Variants in DMD observed in about 807,000 individuals in gnomAD.
DMD encodes the protein dystrophin.
A neutral mutation model predicts 330.1 loss-of-function variants in DMD; 63 were observed. The ratio of observed to expected loss-of-function variants is 0.19; its 90% CI spans 0.16 to 0.24. DMD has a LOEUF of 0.24. DMD is among the 10% of genes least tolerant of loss of function. The probability of loss-of-function intolerance (pLI) is 1.00; values close to 1 mark genes in which losing one functional copy is unlikely to be tolerated. For missense variants in DMD, 3,344 were observed against 2,684.1 expected (o/e 1.25, Z -5.43); for synonymous variants, 1,223 against 959.8 (o/e 1.27, Z -5.07).
At chrX:32,212,317 A>C (rs2147825839) in intron 44 of DMD, among the ~76,000 whole-genome samples, 1 of 111,827 alleles carries the variant, frequency 8.9e-6, no homozygotes, top group Admixed American at 9.5e-5. Context: ...GTGGATGTTT[A>C]GAGACGATAA....
At chrX:32,730,743 T>C (rs778071237) in intron 7 of DMD, among the ~76,000 whole-genome samples, 1 of 112,049 alleles carries the variant, frequency 8.9e-6, no homozygotes, top group Non-Finnish European at 1.9e-5. Context: ...AATTAGTATT[T>C]TATTAAGAGT....
At chrX:32,441,733 A>G (rs971726028) in intron 27 of DMD, among the ~76,000 whole-genome samples, 4 of 111,671 alleles carry the variant, frequency 3.6e-5, no homozygotes, top group African/African-American at 9.7e-5. Context: ...GAGTTTAACT[A>G]TAGCTCTCTT....
At chrX:32,294,093 G>A (rs1360137172) in intron 42 of DMD, among the ~76,000 whole-genome samples, 2 of 111,445 alleles carry the variant, frequency 1.8e-5, no homozygotes, top group African/African-American at 6.5e-5. Flanking sequence ...GCCTGACCTG[G>A]GCAGCCTGAT....
chrX:32,491,024 G>A (rs1467948879), intron 20 of DMD, among the ~76,000 whole-genome samples: 1 of 112,185 alleles, frequency 8.9e-6, no homozygotes, highest in Non-Finnish European at 1.9e-5. Context: ...CTCCTAAACT[G>A]CCTCATGCTT....
intron 44 of DMD, among the ~76,000 whole-genome samples, chrX:32,064,086 C>A (rs1012794123): frequency 9.0e-6 from 1 of 110,999 alleles, no homozygotes; most frequent in African/African-American, 3.3e-5. Flanking sequence ...AATGAATTAT[C>A]TAATATTTCA....
chrX:32,740,938 T>A (rs919080842), intron 7 of DMD, among the ~76,000 whole-genome samples: 28 of 111,594 alleles, frequency 2.5e-4, no homozygotes, highest in African/African-American at 8.8e-4. Context: ...ACTCTAAAAC[T>A]TAAGTTCTTT....
chrX:31,291,271 C>T (rs1252509794), intron 62 of DMD, among the ~76,000 whole-genome samples: 4 of 110,425 alleles, frequency 3.6e-5, no homozygotes, highest in Non-Finnish European at 7.6e-5. Context: ...AATTACTCAA[C>T]ATTTAAATAT....
At chrX:31,134,974 T>C (rs1306456835) in intron 76 of DMD, among the ~76,000 whole-genome samples, 4 of 111,546 alleles carry the variant, frequency 3.6e-5, no homozygotes, top group Non-Finnish European at 7.5e-5. Flanking sequence ...GATTGTTTGC[T>C]GCCAGGAATT....
chrX:32,613,687 C>A (rs2057347511), intron 12 of DMD, among the ~76,000 whole-genome samples: 1 of 110,368 alleles, frequency 9.1e-6, no homozygotes, highest in African/African-American at 3.3e-5. Context: ...TGAAGTCTGT[C>A]TTCCAGGAAA....
At chrX:31,771,460 T>C (rs909890689) in intron 51 of DMD, among the ~76,000 whole-genome samples, 1 of 109,422 alleles carries the variant, frequency 9.1e-6, no homozygotes, top group Non-Finnish European at 1.9e-5. Context: ...AATTTATAAA[T>C]CCTGTATTTT....
intron 59 of DMD, among the ~76,000 whole-genome samples, chrX:31,454,234 G>T (rs1245888662): frequency 2.7e-5 from 3 of 111,123 alleles, no homozygotes; most frequent in Admixed American, 1.9e-4. Flanking sequence ...CGCCTCGTGG[G>T]TTCAAGCGAT....
intron 44 of DMD, among the ~76,000 whole-genome samples, chrX:32,138,704 T>C (rs1373000649): frequency 8.9e-6 from 1 of 111,816 alleles, no homozygotes; most frequent in Admixed American, 9.5e-5. Flanking sequence ...ATCTTGGCCA[T>C]GAGGACTCAA....
chrX:33,280,366 G>A (rs1239139594), intron 1 of DMD, among the ~76,000 whole-genome samples: 3 of 111,950 alleles, frequency 2.7e-5, no homozygotes, highest in African/African-American at 6.5e-5. Flanking sequence ...TCCTTTTATG[G>A]ATGGCGACTT....
intron 59 of DMD, among the ~76,000 whole-genome samples, chrX:31,477,643 GGCAACA>G (rs2067886354): frequency 1.8e-5 from 2 of 110,784 alleles, no homozygotes; most frequent in South Asian, 7.8e-4. Flanking sequence ...CCAAGGGAAG[GGCAACA>G]CATTAACAGC....
intron 78 of DMD, among the ~76,000 whole-genome samples, chrX:31,123,194 G>GTGA (rs1367687743): frequency 1.8e-5 from 2 of 111,555 alleles, no homozygotes; most frequent in Non-Finnish European, 3.8e-5. Context: ...CACTTAAACA[G>GTGA]TGATGGCACC....
intron 29 of DMD, among the ~76,000 whole-genome samples, chrX:32,414,076 G>A (rs952789715): frequency 9.0e-6 from 1 of 111,298 alleles, no homozygotes; most frequent in African/African-American, 3.3e-5. Flanking sequence ...AGTCCTGCTG[G>A]TGTCTTTTAC....
chrX:32,090,828 GGT>G (rs1431570306), intron 44 of DMD, among the ~76,000 whole-genome samples: 1 of 110,867 alleles, frequency 9.0e-6, no homozygotes, highest in Non-Finnish European at 1.9e-5. Flanking sequence ...GACAGACCCT[GGT>G]TAAAGGAGAT....
At chrX:32,045,928 CT>C (rs1315010607) in intron 44 of DMD, among the ~76,000 whole-genome samples, 1 of 112,211 alleles carries the variant, frequency 8.9e-6, no homozygotes, top group Non-Finnish European at 1.9e-5. Flanking sequence ...GATAAATTGA[CT>C]GACAATTTCA....
At chrX:33,110,963 T>C (rs757814366) in intron 1 of DMD, among the ~76,000 whole-genome samples, 2 of 111,388 alleles carry the variant, frequency 1.8e-5, no homozygotes, top group South Asian at 7.6e-4. Flanking sequence ...AATTAAAATC[T>C]GATAAACTTG....
Sources: allele counts gnomAD v4.1 joint callset (sites outside exome capture counted in the v4.1 genomes callset), GRCh38; gene constraint gnomAD v4.1.1; transcripts MANE v1.5; gene names NCBI Gene and HGNC (gene_info 2026-07-23, HGNC 2026-07-21).